Variants in STAB2 observed in about 807,000 individuals in gnomAD.
The protein encoded by STAB2 is stabilin-2.
STAB2 carries 288 observed loss-of-function variants against 338.1 expected under a neutral mutation model. The observed-to-expected ratio is 0.85, with a 90% CI of 0.77 to 0.94. The LOEUF is 0.94. Among genes scored for constraint, STAB2 ranks in the 40% least tolerant of loss-of-function variants. STAB2 has a pLI of 0.00. For synonymous variants in STAB2, 1,202 were observed against 1,193.3 expected (o/e 1.01, Z -0.15); for missense variants, 3,141 against 3,210.1 (o/e 0.98, Z 0.52).
chr12:103,705,783 C>T (rs1439897932), intron 37 of STAB2, 56 bp downstream of exon 37: 1 of 1,525,298 alleles, frequency 6.6e-7, no homozygotes, highest in Non-Finnish European at 9.1e-7. Flanking sequence ...GAAAATCCAT[C>T]ATATGGTATC....
intron 68 of STAB2, among the ~76,000 whole-genome samples, chr12:103,765,112 G>T (rs1159123125): frequency 7.4e-6 from 1 of 135,942 alleles, no homozygotes; most frequent in Non-Finnish European, 1.6e-5. Context: ...AAAAAAAAAA[G>T]GGAGGTGGTA....
intron 3 of STAB2, among the ~76,000 whole-genome samples, chr12:103,596,349 A>G (rs902631180): frequency 6.6e-6 from 1 of 152,226 alleles, no homozygotes; most frequent in Non-Finnish European, 1.5e-5. Context: ...CATGTCCGAC[A>G]TATGAATGTC....
intron 9 of STAB2, among the ~76,000 whole-genome samples, chr12:103,647,316 G>A (rs925993375): frequency 1.9e-4 from 29 of 152,020 alleles, no homozygotes; most frequent in African/African-American, 6.3e-4. Context: ...AGAAACACAC[G>A]TGGATTAACC....
At chr12:103,615,051 A>G (rs1957187750) in intron 3 of STAB2, among the ~76,000 whole-genome samples, 1 of 152,212 alleles carries the variant, frequency 6.6e-6, no homozygotes, top group Admixed American at 6.5e-5. Context: ...TGGGCCTGGT[A>G]TACCAAGAGG....
intron 33 of STAB2, 124 bp from the exon 34 acceptor site, chr12:103,698,972 C>T: frequency 7.9e-7 from 1 of 1,261,570 alleles, no homozygotes; most frequent in Non-Finnish European, 1.1e-6. Flanking sequence ...ATACCTCTGT[C>T]AAAACTTCCA....
intron 59 of STAB2, among the ~76,000 whole-genome samples, chr12:103,749,528 G>C (rs1883397638): frequency 6.6e-6 from 1 of 151,808 alleles, no homozygotes; most frequent in Non-Finnish European, 1.5e-5. Flanking sequence ...TAAATAAAAG[G>C]CTTATTAAAA....
At chr12:103,735,699 AT>A (rs35136231) in intron 52 of STAB2, 119 bp downstream of exon 52, 42 of 789,404 alleles carry the variant, frequency 5.3e-5, no homozygotes, top group Admixed American at 1.7e-4. Flanking sequence ...TAGCGGGCTC[AT>A]TTTTTTTCTC....
intron 40 of STAB2, 31 bp downstream of exon 40, chr12:103,711,547 G>C (rs199725776): frequency 6.2e-7 from 1 of 1,611,854 alleles, no homozygotes. Context: ...TCTGGGGACA[G>C]TGTAAAGGGG....
intron 68 of STAB2, among the ~76,000 whole-genome samples, chr12:103,765,274 T>G (rs998206009): frequency 6.6e-6 from 1 of 152,234 alleles, no homozygotes; most frequent in East Asian, 1.9e-4. Context: ...GCACCATGCA[T>G]GAAAGATTTA....
In STAB2 at chr12:103,699,409, C is replaced by T. The variant is rs145142182; in HGVS notation, c.3714+182C>T. ...AAGAGGTTTAACAGACTCAGTTCCC[C>T]GTGGCTGGGGAGGCCTCACAATCAT... On this transcript the variant is annotated intron_variant, in intron 34 of 68. Transcript: ENST00000388887. 9.5e-4 allele frequency among the ~76,000 whole-genome samples: 144 copies of T among 152,272 alleles called. 1 individual carries two copies. The highest frequency in any genetic ancestry group is 3.0e-3 in the African/African-American group (126 of 41,546).
chr12:103,599,762 G>A (rs1956928050), intron 3 of STAB2, among the ~76,000 whole-genome samples: 1 of 152,176 alleles, frequency 6.6e-6, no homozygotes, highest in African/African-American at 2.4e-5. Context: ...CTGCACTGAG[G>A]TGAGCTAGTA....
At chr12:103,613,100 G>T (rs1195556075) in intron 3 of STAB2, among the ~76,000 whole-genome samples, 1 of 152,192 alleles carries the variant, frequency 6.6e-6, no homozygotes, top group Non-Finnish European at 1.5e-5. Context: ...TGCCCCTACT[G>T]GGTGGTGCCT....
At chr12:103,589,025 T>C (rs1956756764) in intron 1 of STAB2, among the ~76,000 whole-genome samples, 2 of 152,212 alleles carry the variant, frequency 1.3e-5, no homozygotes, top group Admixed American at 6.5e-5. Flanking sequence ...CAGGGTGACC[T>C]TGGGCAAGTC....
At chr12:103,701,366 C>A (rs979752335) in intron 34 of STAB2, among the ~76,000 whole-genome samples, 12 of 152,176 alleles carry the variant, frequency 7.9e-5, no homozygotes, top group Middle Eastern at 3.4e-3. Flanking sequence ...TGGGTATATA[C>A]CCAGTAATGG....
At chr12:103,753,935 T>A (rs765159739) in intron 61 of STAB2, among the ~76,000 whole-genome samples, 1 of 152,188 alleles carries the variant, frequency 6.6e-6, no homozygotes, top group Non-Finnish European at 1.5e-5. Flanking sequence ...CTTTCAGATA[T>A]GGCAGGAAGG....
intron 3 of STAB2, among the ~76,000 whole-genome samples, chr12:103,605,378 T>C (rs1305320727): frequency 1.3e-5 from 2 of 151,916 alleles, no homozygotes; most frequent in African/African-American, 4.8e-5. Context: ...TCTTGAAAAA[T>C]AGGTGTATTC....
chr12:103,683,597 A>G (rs969438801), intron 26 of STAB2, among the ~76,000 whole-genome samples: 2 of 152,248 alleles, frequency 1.3e-5, no homozygotes, highest in Non-Finnish European at 2.9e-5. Flanking sequence ...ATAAACTTAT[A>G]ATTACTCATT....
Position 103,749,033 on chromosome 12 carries a change from G to T in STAB2, c.6315G>T (p.Lys2105Asn). 6.2e-7 allele frequency: 1 copy of T among 1,614,132 alleles called. No individual in the cohort carries two copies. Among genetic ancestry groups the T allele is most frequent in the Non-Finnish European group, 8.5e-7 (1 of 1,180,032 alleles). ...CCAGATGCTCCCAGAAGGGCACGAAGGTCTCCTGCAGCTGCCAGAAGGGAT... is the reference window on the plus strand; with the variant it reads ...CCAGATGCTCCCAGAAGGGCACGAATGTCTCCTGCAGCTGCCAGAAGGGAT... ...KVARCSQKGT[K>N]VSCSCQKGYK... Residue 2105 changes from lysine (K) to asparagine (N), a missense_variant, in exon 59 of 69, where the codon AAG becomes AAT. Transcript: ENST00000388887.
intron 30 of STAB2, 53 bp from the exon 31 acceptor site, chr12:103,692,759 C>G: frequency 1.3e-6 from 2 of 1,481,860 alleles, no homozygotes; most frequent in Non-Finnish European, 1.9e-6. Flanking sequence ...TCATCTCAAT[C>G]CCAAGGTGCG....
Sources: allele counts gnomAD v4.1 joint callset (sites outside exome capture counted in the v4.1 genomes callset), GRCh38; gene constraint gnomAD v4.1.1; transcripts MANE v1.5; gene names NCBI Gene and HGNC (gene_info 2026-07-23, HGNC 2026-07-21).